CHAF1A: variants seen among roughly 807,000 people sequenced by gnomAD.
The protein encoded by CHAF1A is chromatin assembly factor 1 subunit A.
A neutral mutation model predicts 93.2 loss-of-function variants in CHAF1A; 5 were observed. That is an observed-to-expected ratio of 0.05 (90% CI 0.03 to 0.11). The LOEUF (loss-of-function observed/expected upper bound fraction) is 0.11, where lower values mean the gene tolerates loss of function less well. CHAF1A is among the 10% of genes least tolerant of loss of function. The pLI is 1.00. For synonymous variants in CHAF1A, 504 were observed against 510.3 expected, an observed-to-expected ratio of 0.99 and a Z score of 0.17; for missense variants, 1,102 against 1,259.9, an observed-to-expected ratio of 0.87 and a Z score of 1.90.
intron 12 of CHAF1A, 142 bp from the exon 13 acceptor site, chr19:4,432,928 G>A (rs1304633040): frequency 1.1e-5 from 7 of 650,268 alleles, no homozygotes; most frequent in Admixed American, 5.8e-5. Flanking sequence ...TCTTACACCC[G>A]CCCTCATGAG....
At chr19:4,444,268 C>A (rs961864371), downstream of CHAF1A, among the ~76,000 whole-genome samples, 1 of 152,168 alleles carries the variant, frequency 6.6e-6, no homozygotes, top group African/African-American at 2.4e-5. Context: ...GGGCACCTCC[C>A]CCAGGTGCAG....
At chr19:4,437,362 T>G (rs1478569166) in intron 13 of CHAF1A, among the ~76,000 whole-genome samples, 2 of 151,956 alleles carry the variant, frequency 1.3e-5, no homozygotes, top group Non-Finnish European at 2.9e-5. Context: ...CATCCTCTGT[T>G]TTTTTTTGAC....
At chr19:4,424,338 C>T (rs1974042855) in intron 7 of CHAF1A, among the ~76,000 whole-genome samples, 1 of 152,212 alleles carries the variant, frequency 6.6e-6, no homozygotes, top group Admixed American at 6.5e-5. Flanking sequence ...AGCCCATCTC[C>T]AATGTTAGGG....
At chr19:4,441,907 TAAAA>T (rs1238932527) in intron 13 of CHAF1A, among the ~76,000 whole-genome samples, 1 of 152,102 alleles carries the variant, frequency 6.6e-6, no homozygotes, top group African/African-American at 2.4e-5. Context: ...CAAAAAAAAA[TAAAA>T]ATAAATAAAT....
intron 4 of CHAF1A, among the ~76,000 whole-genome samples, chr19:4,420,747 C>A (rs892703011): frequency 1.3e-5 from 2 of 152,056 alleles, no homozygotes; most frequent in Non-Finnish European, 2.9e-5. Flanking sequence ...TTGAGACAAG[C>A]CTGGGCAACG....
chr19:4,425,677 TA>T (rs1974068294), intron 7 of CHAF1A, among the ~76,000 whole-genome samples: 1 of 152,192 alleles, frequency 6.6e-6, no homozygotes, highest in Non-Finnish European at 1.5e-5. Flanking sequence ...CTCAGTGGTG[TA>T]GGGGGGGTCC....
chr19:4,448,247 G>T, downstream of CHAF1A: 1 of 1,383,926 alleles, frequency 7.2e-7, no homozygotes, highest in South Asian at 1.2e-5. Flanking sequence ...CAGAGGGGGT[G>T]ACAGCCCCAG....
At chr19:4,423,730 G>A (rs1217834639) in intron 6 of CHAF1A, 76 bp from the exon 7 acceptor site, 21 of 1,400,316 alleles carry the variant, frequency 1.5e-5, no homozygotes, top group Non-Finnish European at 2.0e-5. Flanking sequence ...TCGGTTCTGG[G>A]GGCCTTTGCA....
chr19:4,408,385 G>A (rs243345), intron 2 of CHAF1A, among the ~76,000 whole-genome samples: 1 of 149,024 alleles, frequency 6.7e-6, no homozygotes, highest in Non-Finnish European at 1.5e-5. Flanking sequence ...GTAGAGACGG[G>A]GTTTCACCGT....
At chr19:4,420,486 G>A (rs556486021) in intron 4 of CHAF1A, among the ~76,000 whole-genome samples, 70 of 152,112 alleles carry the variant, frequency 4.6e-4, no homozygotes, top group African/African-American at 1.6e-3. Context: ...CAAGTAATCC[G>A]CCTGCCTCGG....
downstream of CHAF1A, chr19:4,445,849 G>A (rs1391410528): frequency 5.7e-6 from 6 of 1,057,418 alleles, no homozygotes. Context: ...CATTTGATGG[G>A]GAAACTGAGG....
At chr19:4,437,161 T>C (rs1224045883) in intron 13 of CHAF1A, among the ~76,000 whole-genome samples, 2 of 152,002 alleles carry the variant, frequency 1.3e-5, no homozygotes, top group African/African-American at 4.8e-5. Context: ...CGTGAAGGAA[T>C]GGAGACCCAG....
At chr19:4,438,981 CAAAAA>C (rs1003962747) in intron 13 of CHAF1A, among the ~76,000 whole-genome samples, 1 of 148,304 alleles carries the variant, frequency 6.7e-6, no homozygotes, top group Non-Finnish European at 1.5e-5. Flanking sequence ...GATTCTGTCT[CAAAAA>C]AAAAGCATAG....
At position 4,409,627 on chromosome 19, in the gene CHAF1A, C is replaced by T. The variant is rs780416824; in HGVS notation, c.828C>T (p.Pro276=). 1.2e-5 allele frequency: 19 copies of T among 1,614,016 alleles called. No homozygotes were observed. Among genetic ancestry groups the T allele is most frequent in the African/African-American group, 8.0e-5 (6 of 74,894 alleles). ...AGAGTGAGGTGCTGGAATCTTTCCCCGAAGAAGACTCTGTACTCAGCCATT... is the reference window on the plus strand; with the variant it reads ...AGAGTGAGGTGCTGGAATCTTTCCCTGAAGAAGACTCTGTACTCAGCCATT... ...TPESEVLESF[P]EEDSVLSHSS... The change falls in exon 3 of 15, where the codon CCC becomes CCT. Residue 276 remains proline, a synonymous_variant. Transcript: ENST00000301280.
chr19:4,420,303 C>T (rs1264871881), intron 4 of CHAF1A, among the ~76,000 whole-genome samples: 1 of 151,762 alleles, frequency 6.6e-6, no homozygotes, highest in African/African-American at 2.4e-5. Context: ...AGTGCAGCGG[C>T]GTGATCTCGG....
At position 4,443,224 on chromosome 19, in the gene CHAF1A, C is replaced by T. The variant is rs1421140389; in HGVS notation, c.*199C>T. On this transcript the variant is annotated 3_prime_UTR_variant, in exon 15 of 15. Transcript: ENST00000301280. ...CCCAAGAGCCGCATATGAATCTGCC[C>T]TTTAATAAAGCATTATTGAGATTGC... The T allele has an allele frequency of 5.1e-6, 3 of 585,900 alleles. No individual in the cohort carries two copies. The highest frequency in any genetic ancestry group is 2.6e-5 in the Admixed American group (1 of 38,228). 36.3% of individuals were successfully genotyped at this position (585,900 alleles called of 1,614,324 possible).
chr19:4,432,489 A>G (rs1019136172), intron 12 of CHAF1A, among the ~76,000 whole-genome samples: 1 of 152,104 alleles, frequency 6.6e-6, no homozygotes, highest in Non-Finnish European at 1.5e-5. Context: ...GGCCGGGCAC[A>G]GTGCCTCATG....
chr19:4,417,069 T>G (rs1367854158), intron 3 of CHAF1A, among the ~76,000 whole-genome samples: 1 of 152,058 alleles, frequency 6.6e-6, no homozygotes, highest in Non-Finnish European at 1.5e-5. Flanking sequence ...AGCCTCAACC[T>G]CCCGGGCTCC....
At chr19:4,442,534 G>A (rs564686150) in intron 14 of CHAF1A, among the ~76,000 whole-genome samples, 193 bp downstream of exon 14, 6 of 152,338 alleles carry the variant, frequency 3.9e-5, no homozygotes, top group South Asian at 2.1e-4. Flanking sequence ...GCCAGGCATC[G>A]TTCTGGCCGC....
Sources: gnomAD v4.1 joint callset for allele counts (sites outside exome capture counted in the v4.1 genomes callset) on GRCh38, gnomAD v4.1.1 for gene constraint, MANE v1.5 for transcripts, NCBI Gene and HGNC (gene_info 2026-07-23, HGNC 2026-07-21) for gene names.